Variants in MMP24 observed in about 807,000 individuals in gnomAD.
MMP24 encodes the protein matrix metalloproteinase-24.
In MMP24, 25 loss-of-function variants were observed where a neutral mutation model predicts 62.8. The observed-to-expected ratio is 0.40, with a 90% CI of 0.29 to 0.56. MMP24 has a LOEUF of 0.56. Among genes scored for constraint, MMP24 ranks in the 20% least tolerant of loss-of-function variants. The pLI is 0.50. For missense variants in MMP24, 634 were observed against 853.6 expected, an observed-to-expected ratio of 0.74 and a Z score of 3.21; for synonymous variants, 319 against 350.5, an observed-to-expected ratio of 0.91 and a Z score of 1.00.
chr20:35,259,113 G>C (rs562906788), intron 4 of MMP24, among the ~76,000 whole-genome samples: 1 of 152,156 alleles, frequency 6.6e-6, no homozygotes, highest in African/African-American at 2.4e-5. Flanking sequence ...CCCGGGAGGC[G>C]GAGGTTCAAG....
intron 4 of MMP24, among the ~76,000 whole-genome samples, chr20:35,259,298 TGCTGCAGGTGGTCC>T (rs1266801503): frequency 6.6e-6 from 1 of 152,238 alleles, no homozygotes; most frequent in Non-Finnish European, 1.5e-5. Context: ...CAGGTGGTTC[TGCTGCAGGTGGTCC>T]GAGTATTTCC....
chr20:35,264,518 C>G (rs557750132), intron 5 of MMP24, among the ~76,000 whole-genome samples: 1 of 151,606 alleles, frequency 6.6e-6, no homozygotes, highest in African/African-American at 2.4e-5. Flanking sequence ...ATGGTGAAAC[C>G]CCATCTCTAC....
At chr20:35,266,721 G>A (rs1167582496) in intron 5 of MMP24, among the ~76,000 whole-genome samples, 2 of 152,180 alleles carry the variant, frequency 1.3e-5, no homozygotes, top group Non-Finnish European at 2.9e-5. Context: ...CCCCACCCCA[G>A]GCCCTCTGAG....
intron 1 of MMP24, among the ~76,000 whole-genome samples, chr20:35,233,302 G>T (rs562136309): frequency 6.6e-6 from 1 of 152,228 alleles, no homozygotes; most frequent in Admixed American, 6.5e-5. Context: ...CCAGCTACTT[G>T]GGTGGCTGAG....
At chr20:35,241,246 T>G (rs2060486997) in intron 1 of MMP24, among the ~76,000 whole-genome samples, 1 of 152,104 alleles carries the variant, frequency 6.6e-6, no homozygotes, top group African/African-American at 2.4e-5. Flanking sequence ...AGAGACAGGA[T>G]TAAGCAGCAT....
At chr20:35,235,707 A>AT (rs976614770) in intron 1 of MMP24, among the ~76,000 whole-genome samples, 11 of 151,884 alleles carry the variant, frequency 7.2e-5, no homozygotes, top group Non-Finnish European at 1.3e-4. Context: ...TCAAAAAAAA[A>AT]TTTTTTTTAA....
chr20:35,259,781 G>A (rs532779654), intron 4 of MMP24, among the ~76,000 whole-genome samples: 2 of 152,170 alleles, frequency 1.3e-5, no homozygotes, highest in South Asian at 4.1e-4. Context: ...TTGCTCGGAG[G>A]CCCAGGGACT....
intron 5 of MMP24, among the ~76,000 whole-genome samples, chr20:35,265,601 G>A (rs921153892): frequency 2.6e-5 from 4 of 151,484 alleles, no homozygotes; most frequent in Admixed American, 6.6e-5. Flanking sequence ...TTATTAGGCC[G>A]GGCGCGGTGG....
chr20:35,276,198 T>C lies in MMP24; in HGVS notation c.*1589T>C. 2.5e-6 allele frequency: 1 copy of C among 398,756 alleles called. No homozygotes were observed. The highest frequency in any genetic ancestry group is 4.4e-6 in the Non-Finnish European group (1 of 226,086). The allele number at this position is 398,756 out of a possible 1,614,324, so 24.7% of individuals were successfully genotyped here. On this transcript the variant is annotated 3_prime_UTR_variant, in exon 9 of 9. Coordinates refer to ENST00000246186, the MANE Select transcript of MMP24 (RefSeq NM_006690.4). Reference sequence around the variant, plus strand: ...GACTCCTGCTGCCCTGGGAGCTGTCTCAAGCAAAATCTCTTGTCCCAGAGG... The same window carrying C: ...GACTCCTGCTGCCCTGGGAGCTGTCCCAAGCAAAATCTCTTGTCCCAGAGG...
chr20:35,248,158 G>C (rs2060525138), intron 2 of MMP24, among the ~76,000 whole-genome samples: 1 of 152,094 alleles, frequency 6.6e-6, no homozygotes, highest in African/African-American at 2.4e-5. Context: ...GAGTTGGTGG[G>C]GGGAGGAACA....
At chr20:35,237,417 C>G (rs560630042) in intron 1 of MMP24, among the ~76,000 whole-genome samples, 1 of 152,340 alleles carries the variant, frequency 6.6e-6, no homozygotes, top group Non-Finnish European at 1.5e-5. Context: ...CTCAAACCCC[C>G]TGCCTTCCTC....
chr20:35,233,507 A>G (rs1243143239), intron 1 of MMP24, among the ~76,000 whole-genome samples: 5 of 152,204 alleles, frequency 3.3e-5, no homozygotes, highest in Non-Finnish European at 5.9e-5. Context: ...TGATTTTCCA[A>G]TATATATTGT....
intron 1 of MMP24, among the ~76,000 whole-genome samples, chr20:35,228,764 TAA>T (rs2060425821): frequency 6.6e-6 from 1 of 152,214 alleles, no homozygotes; most frequent in Non-Finnish European, 1.5e-5. Context: ...TTTTTAAACT[TAA>T]GTTTCCCCCT....
Position 35,226,851 on chromosome 20 carries a change from T to C in MMP24, c.113T>C (p.Leu38Pro). ...CGGGTCCCTGGGCGGCTGCTGCTGC[T>C]GCTGCTGCCCGCGCTCTGCTGCCTC... ...RWRVPGRLLL[L>P]LLPALCCLPG... The change falls in exon 1 of 9, where the codon CTG (leucine) becomes CCG (proline). Residue 38 changes from leucine (L) to proline (P), a missense_variant. Coordinates refer to ENST00000246186, the MANE Select transcript of MMP24 (RefSeq NM_006690.4). 2 of 976,568 alleles carry C rather than the reference T, an allele frequency of 2.0e-6. No individual in the cohort carries two copies. Among genetic ancestry groups the C allele is most frequent in the Non-Finnish European group, 2.4e-6 (2 of 827,230 alleles). 60.5% of individuals were successfully genotyped at this position (976,568 alleles called of 1,614,324 possible).
At chr20:35,241,125 A>G (rs376838400) in intron 1 of MMP24, among the ~76,000 whole-genome samples, 3 of 152,242 alleles carry the variant, frequency 2.0e-5, no homozygotes, top group South Asian at 2.1e-4. Flanking sequence ...TGTGAAGGGC[A>G]GAGAGTGCTT....
Position 35,274,726 on chromosome 20 carries a change from C to G in MMP24, c.*117C>G, listed in dbSNP as rs577137045. 2.4e-5 allele frequency: 22 copies of G among 912,290 alleles called. 1 individual carries two copies. The highest frequency in any genetic ancestry group is 5.7e-5 in the Admixed American group (2 of 34,974). The allele number at this position is 912,290 out of a possible 1,614,324, so 56.5% of individuals were successfully genotyped here. A position where few individuals can be genotyped will look rare whatever the true frequency, so the allele number is the denominator to read the frequency against. On this transcript the variant is annotated 3_prime_UTR_variant, in exon 9 of 9. Transcript: ENST00000246186. The surrounding 1 kb of genome is among the most constrained non-coding windows in gnomAD (Gnocchi z 5.1). ...GGCCAGCAGGGCCCTAGGCTGGGGT[C>G]GTACAGCTGAAGTGGTGGGTGCATT... is the stretch of plus-strand genomic sequence containing the variant.
intron 5 of MMP24, chr20:35,264,237 A>G: frequency 8.5e-6 from 2 of 235,280 alleles, no homozygotes; most frequent in Non-Finnish European, 1.6e-5. Context: ...CCCCTTCCAC[A>G]CTCTTCCCCG....
At chr20:35,273,323 G>A (rs1177921424) in intron 8 of MMP24, among the ~76,000 whole-genome samples, 3 of 151,938 alleles carry the variant, frequency 2.0e-5, no homozygotes, top group Admixed American at 2.0e-4. Flanking sequence ...TTAAGACCAG[G>A]AGTTTGAGGC....
At chr20:35,265,028 G>C (rs1264046922) in intron 5 of MMP24, among the ~76,000 whole-genome samples, 2 of 152,204 alleles carry the variant, frequency 1.3e-5, no homozygotes, top group African/African-American at 4.8e-5. Flanking sequence ...GCAGAGACCA[G>C]GTGGGGGCTG....
Sources: gnomAD v4.1 joint callset for allele counts (sites outside exome capture counted in the v4.1 genomes callset) on GRCh38, gnomAD v4.1.1 for gene constraint, Gnocchi (gnomAD v3.1) non-coding constraint, MANE v1.5 for transcripts, NCBI Gene and HGNC (gene_info 2026-07-23, HGNC 2026-07-21) for gene names.